Variants in ATRX observed in about 807,000 individuals in gnomAD.
ATRX encodes chromatin remodeler ATRX.
ATRX carries 12 observed loss-of-function variants against 172.6 expected under a neutral mutation model. The ratio of observed to expected loss-of-function variants is 0.07; its 90% CI spans 0.04 to 0.11. The LOEUF (loss-of-function observed/expected upper bound fraction) is 0.11, where lower values mean the gene tolerates loss of function less well. Ranked by LOEUF, ATRX falls within the 10% of genes least tolerant of loss-of-function variation. The pLI is 1.00. For missense variants in ATRX, 1,368 were observed against 1,767.4 expected, an observed-to-expected ratio of 0.77 and a Z score of 4.05; for synonymous variants, 674 against 594.7, an observed-to-expected ratio of 1.13 and a Z score of -1.94.
intron 15 of ATRX, among the ~76,000 whole-genome samples, chrX:77,636,807 AAGG>A (rs1352333020): frequency 5.8e-4 from 61 of 105,655 alleles, no homozygotes; most frequent in African/African-American, 1.9e-3. Flanking sequence ...GAGAAGGAAG[AAGG>A]AGGAGGAGGA....
At chrX:77,733,706 TAAAAAAAAAAA>T (rs1244088795) in intron 1 of ATRX, among the ~76,000 whole-genome samples, 2 of 33,039 alleles carry the variant, frequency 6.1e-5, no homozygotes, top group Admixed American at 5.3e-4. Context: ...CCATCTATGC[TAAAAAAAAAAA>T]AAAAAAAAAA....
At chrX:77,767,642 G>A (rs181269128) in intron 1 of ATRX, among the ~76,000 whole-genome samples, 90 of 111,079 alleles carry the variant, frequency 8.1e-4, no homozygotes, top group African/African-American at 2.7e-3. Flanking sequence ...TGATCCGCCC[G>A]CCTCAGCCTC....
In ATRX at chrX:77,681,936, C is replaced by T. The variant is rs2071226540; in HGVS notation, c.3320G>A (p.Cys1107Tyr). 2.5e-6 allele frequency: 3 copies of T among 1,208,620 alleles called. No individual in the cohort carries two copies. Among genetic ancestry groups the T allele is most frequent in the African/African-American group, 3.5e-5 (2 of 56,960 alleles). ...LGKSSRKRQD[C>Y]SSSDTEKYSM... ...ATATTTCTCAGTATCAGATGATGAA[C>T]AATCTTGTCTCTTCCTTGAACTCTT... Residue 1107 changes from cysteine (C) to tyrosine (Y), a missense_variant, in exon 9 of 35, where the codon TGT (cysteine) becomes TAT (tyrosine). Cys to Tyr is a radical substitution (Grantham distance 194, BLOSUM62 -2). Coordinates refer to ENST00000373344, the MANE Select transcript of ATRX (RefSeq NM_000489.6).
chrX:77,679,330 T>C (rs1431546310), intron 9 of ATRX, among the ~76,000 whole-genome samples: 1 of 111,196 alleles, frequency 9.0e-6, no homozygotes, highest in Non-Finnish European at 1.9e-5. Context: ...AGTTGAAGGA[T>C]TGGAATTTGC....
intron 30 of ATRX, among the ~76,000 whole-genome samples, chrX:77,551,493 T>C: frequency 8.9e-6 from 1 of 112,145 alleles, no homozygotes; most frequent in East Asian, 2.8e-4. Context: ...ACTTAAATGG[T>C]AGACCTAAAA....
At chrX:77,606,756 A>G in intron 22 of ATRX, among the ~76,000 whole-genome samples, 1 of 58,380 alleles carries the variant, frequency 1.7e-5, no homozygotes. Context: ...CCTCATCTCT[A>G]CAAAAAAAAA....
chrX:77,627,204 G>T, intron 19 of ATRX, among the ~76,000 whole-genome samples: 1 of 111,000 alleles, frequency 9.0e-6, no homozygotes, highest in Middle Eastern at 4.7e-3. Flanking sequence ...CTGCGCTCCA[G>T]CCTGGGTGAC....
chrX:77,584,100 C>G (rs782084223), intron 27 of ATRX, among the ~76,000 whole-genome samples: 73 of 111,312 alleles, frequency 6.6e-4, no homozygotes, highest in Admixed American at 6.7e-4. Context: ...AAATAAAATA[C>G]TTAGGAATTA....
Position 77,577,695 on chromosome X carries a change from T to C in ATRX, c.6218-3337A>G, listed in dbSNP as rs782800330. 3.6e-5 allele frequency among the ~76,000 whole-genome samples: 4 copies of C among 111,617 alleles called. No homozygotes were observed. In the South Asian group the frequency reaches 1.5e-3, roughly 42 times the overall value. ...TGAATTCTAACAAACATTTAAATAA[T>C]TAAGCTCAATGCTTTACAAACAATT... On this transcript the variant is annotated intron_variant, in intron 27 of 34. Coordinates refer to ENST00000373344, the MANE Select transcript of ATRX (RefSeq NM_000489.6).
chrX:77,716,996 C>T (rs1192889048), intron 2 of ATRX, 135 bp downstream of exon 2: 1 of 519,594 alleles, frequency 1.9e-6, no homozygotes, highest in African/African-American at 2.4e-5. Flanking sequence ...ATAAAGCTTG[C>T]TAATCTGTCA....
intron 10 of ATRX, among the ~76,000 whole-genome samples, chrX:77,666,486 A>G (rs1820364241): frequency 8.9e-6 from 1 of 112,355 alleles, no homozygotes; most frequent in African/African-American, 3.2e-5. Context: ...CCAAATTAGG[A>G]AACAGTTTCA....
In ATRX at chrX:77,710,301, TA is replaced by T. The variant is rs781803603; in HGVS notation, c.133+6829del. On this transcript the variant is annotated intron_variant, in intron 2 of 34. Transcript: ENST00000373344. ...GTGACAAAACAAGACTCCATTTCAA[TA>T]AAAAAAAAAAAAAAACAATACAAAT... Among the ~76,000 whole-genome samples, 553 of 74,057 alleles carry T rather than the reference TA, an allele frequency of 7.5e-3. 1 individual carries two copies. The highest frequency in any genetic ancestry group is 0.011 in the South Asian group (18 of 1,664). The allele number at this position is 74,057 out of a possible 115,157, so 64.3% of individuals were successfully genotyped here. A position where few individuals can be genotyped will look rare whatever the true frequency, so the allele number is the denominator to read the frequency against.
chrX:77,638,227 GCCAA>G (rs2068488398), intron 15 of ATRX, among the ~76,000 whole-genome samples: 1 of 112,062 alleles, frequency 8.9e-6, no homozygotes, highest in Non-Finnish European at 1.9e-5. Context: ...ACTTTGGGAG[GCCAA>G]GGTGGGTGGA....
intron 22 of ATRX, among the ~76,000 whole-genome samples, chrX:77,613,144 ATGTC>A (rs1383997959): frequency 9.0e-6 from 1 of 111,285 alleles, no homozygotes; most frequent in African/African-American, 3.3e-5. Flanking sequence ...TGGTAATTCT[ATGTC>A]TAACTTTCTG....
At chrX:77,576,695 T>C (rs1205452708) in intron 27 of ATRX, among the ~76,000 whole-genome samples, 2 of 111,469 alleles carry the variant, frequency 1.8e-5, no homozygotes, top group Non-Finnish European at 3.8e-5. Flanking sequence ...CATATATTTA[T>C]GAGACAGACA....
At position 77,696,687 on chromosome X, in the gene ATRX, G is replaced by A. The variant is rs2072205781; in HGVS notation, c.260C>T (p.Thr87Ile). The A allele has an allele frequency of 8.3e-7, 1 of 1,198,543 alleles. No individual in the cohort carries two copies. The highest frequency in any genetic ancestry group is 1.1e-6 in the Non-Finnish European group (1 of 884,693). The change falls in exon 5 of 35, where the codon ACA becomes ATA. Residue 87 changes from threonine (T) to isoleucine (I), a missense_variant. By Grantham distance (89) the Thr-to-Ile change is moderately conservative. Coordinates refer to ENST00000373344, the MANE Select transcript of ATRX (RefSeq NM_000489.6). The stretch of plus-strand genomic sequence containing the variant: ...TTCATCATCTGATTCTACATACTTT[G>A]TTACAATTGAAGGTTTCCTATGAAA... Reference protein sequence around the residue: ...SRSKRKPSIVTKYVESDDEKP... With the variant: ...SRSKRKPSIVIKYVESDDEKP...
chrX:77,700,140 C>A (rs1476322258), intron 2 of ATRX, among the ~76,000 whole-genome samples: 1 of 110,016 alleles, frequency 9.1e-6, no homozygotes, highest in African/African-American at 3.3e-5. Flanking sequence ...TAAAACTCAA[C>A]AATAAAACAA....
In ATRX at chrX:77,599,712, C is replaced by G; in HGVS notation, c.5786+20G>C. The G allele has an allele frequency of 8.3e-7, 1 of 1,198,574 alleles. No individual in the cohort carries two copies. The highest frequency in any genetic ancestry group is 1.1e-6 in the Non-Finnish European group (1 of 885,982). ...TTAACTTTGTCAATACAGGATGGCA[C>G]GAAAAAGTATTCGATTTACTTTGTA... On this transcript the variant is annotated intron_variant, in intron 24 of 34. Transcript: ENST00000373344.
chrX:77,557,390 C>A (rs1030213493), intron 30 of ATRX, 61 bp downstream of exon 30: 3 of 1,055,077 alleles, frequency 2.8e-6, no homozygotes, highest in Non-Finnish European at 4.0e-6. Context: ...AATTTGATAT[C>A]AGTAGTAAAA....
Sources: allele counts gnomAD v4.1 joint callset (sites outside exome capture counted in the v4.1 genomes callset), GRCh38; gene constraint gnomAD v4.1.1; transcripts MANE v1.5; gene names NCBI Gene and HGNC (gene_info 2026-07-23, HGNC 2026-07-21).